The following IMMP2L variants were observed in gnomAD, a reference collection of about 807,000 sequenced individuals.
IMMP2L encodes inner mitochondrial membrane peptidase subunit 2.
In IMMP2L, 18 loss-of-function variants were observed where a neutral mutation model predicts 19.3. That is an observed-to-expected ratio of 0.93 (90% CI 0.64 to 1.38). The LOEUF (loss-of-function observed/expected upper bound fraction) is 1.38, where lower values mean the gene tolerates loss of function less well. Among genes scored for constraint, IMMP2L ranks in the 40% most tolerant of loss-of-function variants. IMMP2L has a pLI of 0.00. For missense variants in IMMP2L, 233 were observed against 218.2 expected (o/e 1.07, Z -0.43); for synonymous variants, 76 against 73.0 (o/e 1.04, Z -0.21).
rs78068954 is a variant in IMMP2L at position 110,733,805 on chromosome 7, C to T, written c.409-70084G>A. Among the ~76,000 whole-genome samples the T allele has an allele frequency of 3.7e-3, 566 of 152,092 alleles. 16 individuals are homozygous for T. The East Asian group carries it at 0.071, about 19-fold the overall frequency. On this transcript the variant is annotated intron_variant, in intron 5 of 5. Coordinates refer to ENST00000405709, the MANE Select transcript of IMMP2L (RefSeq NM_032549.4). The stretch of plus-strand genomic sequence containing the variant: ...GCCCTTCTTCCCCCTCTGGCCCTTC[C>T]TCCATTATATGAGGGCAATGCATTC...
At chr7:111,242,996 T>C (rs1815303802) in intron 3 of IMMP2L, among the ~76,000 whole-genome samples, 1 of 152,144 alleles carries the variant, frequency 6.6e-6, no homozygotes, top group South Asian at 2.1e-4. Flanking sequence ...GATCTTAAAA[T>C]ATTTTTTTCT....
chr7:111,044,597 A>G (rs1051606847), intron 3 of IMMP2L, among the ~76,000 whole-genome samples: 4 of 152,160 alleles, frequency 2.6e-5, no homozygotes, highest in African/African-American at 9.7e-5. Context: ...TGTACACACT[A>G]TAATTCTGGA....
intron 3 of IMMP2L, among the ~76,000 whole-genome samples, chr7:111,235,070 T>C (rs537794286): frequency 6.6e-6 from 1 of 152,322 alleles, no homozygotes; most frequent in Non-Finnish European, 1.5e-5. Context: ...TTTTTTAGCA[T>C]ATCTTTCAGT....
Position 111,177,675 on chromosome 7 carries a change from G to A in IMMP2L, c.240-214110C>T, listed in dbSNP as rs147679674. Among the ~76,000 whole-genome samples, 27 of 152,148 alleles carry A rather than the reference G, an allele frequency of 1.8e-4. 1 individual carries two copies. Among genetic ancestry groups the A allele is most frequent in the African/African-American group, 6.3e-4 (26 of 41,536 alleles). On this transcript the variant is annotated intron_variant, in intron 3 of 5. Transcript: ENST00000405709. Reference sequence around the variant, plus strand: ...AGTCCATGAAGCAACTAGAACCATTGTTATTAAGGCCCTAGAAGATAACAC... The same window carrying A: ...AGTCCATGAAGCAACTAGAACCATTATTATTAAGGCCCTAGAAGATAACAC...
At chr7:111,500,509 T>G (rs1422294997) in intron 2 of IMMP2L, among the ~76,000 whole-genome samples, 1 of 152,138 alleles carries the variant, frequency 6.6e-6, no homozygotes, top group Non-Finnish European at 1.5e-5. Context: ...GACTGCCTCC[T>G]CAAGTGGGTC....
intron 3 of IMMP2L, among the ~76,000 whole-genome samples, chr7:111,191,474 A>ACACACACAC (rs1562906824): frequency 2.2e-5 from 3 of 137,720 alleles, no homozygotes; most frequent in African/African-American, 5.3e-5. Flanking sequence ...ACACACACAC[A>ACACACACAC]AAACTTATAT....
At chr7:111,098,726 G>A (rs921508620) in intron 3 of IMMP2L, among the ~76,000 whole-genome samples, 3 of 151,652 alleles carry the variant, frequency 2.0e-5, no homozygotes, top group African/African-American at 7.3e-5. Context: ...TTTTACCAAC[G>A]TGAAAAATAA....
chr7:111,454,786 C>T (rs1839539469), intron 3 of IMMP2L, among the ~76,000 whole-genome samples: 1 of 151,586 alleles, frequency 6.6e-6, no homozygotes, highest in Admixed American at 6.6e-5. Context: ...AATTTACTGA[C>T]CCAAAGATAT....
At chr7:110,845,785 T>C (rs1179109478) in intron 5 of IMMP2L, among the ~76,000 whole-genome samples, 1 of 143,810 alleles carries the variant, frequency 7.0e-6, no homozygotes, top group African/African-American at 3.0e-5. Context: ...TAAGCACCAA[T>C]GTGATGAGGT....
At chr7:111,406,164 C>A (rs1436749868) in intron 3 of IMMP2L, among the ~76,000 whole-genome samples, 4 of 152,096 alleles carry the variant, frequency 2.6e-5, no homozygotes, top group Non-Finnish European at 4.4e-5. Context: ...TCTACCACCC[C>A]TGCCACTCCT....
At chr7:111,085,946 A>G (rs1169823247) in intron 3 of IMMP2L, among the ~76,000 whole-genome samples, 1 of 152,130 alleles carries the variant, frequency 6.6e-6, no homozygotes, top group African/African-American at 2.4e-5. Flanking sequence ...TGAAAAATCA[A>G]CAGCCACTGG....
intron 4 of IMMP2L, chr7:110,962,841 G>T: frequency 8.1e-7 from 1 of 1,240,046 alleles, no homozygotes; most frequent in Non-Finnish European, 1.0e-6. Context: ...AAGCATTTTG[G>T]CTACCACATT....
chr7:110,801,962 T>G (rs1366305598), intron 5 of IMMP2L, among the ~76,000 whole-genome samples: 14 of 152,068 alleles, frequency 9.2e-5, no homozygotes, highest in African/African-American at 3.4e-4. Flanking sequence ...TTAACAGAGA[T>G]ATCTCATTCC....
intron 3 of IMMP2L, among the ~76,000 whole-genome samples, chr7:111,155,697 G>C (rs1174128760): frequency 6.6e-6 from 1 of 151,604 alleles, no homozygotes; most frequent in Non-Finnish European, 1.5e-5. Flanking sequence ...CACACACACA[G>C]ACAGTCATGT....
At chr7:110,817,070 T>C (rs955092300) in intron 5 of IMMP2L, among the ~76,000 whole-genome samples, 2 of 152,060 alleles carry the variant, frequency 1.3e-5, no homozygotes, top group Non-Finnish European at 2.9e-5. Flanking sequence ...CTTGATGGTC[T>C]TTACATTTTG....
intron 4 of IMMP2L, among the ~76,000 whole-genome samples, chr7:110,888,751 A>G (rs1810478999): frequency 6.6e-6 from 1 of 151,968 alleles, no homozygotes. Context: ...ACAGTGCTTT[A>G]TTTTTCTTTT....
intron 3 of IMMP2L, among the ~76,000 whole-genome samples, chr7:111,151,872 G>A (rs1327525661): frequency 6.6e-6 from 1 of 152,138 alleles, no homozygotes; most frequent in East Asian, 1.9e-4. Context: ...GGAGGCGGAG[G>A]TTGCAGTGAG....
intron 3 of IMMP2L, among the ~76,000 whole-genome samples, chr7:111,279,913 A>T (rs1819512850): frequency 2.0e-5 from 3 of 152,102 alleles, no homozygotes; most frequent in Non-Finnish European, 4.4e-5. Flanking sequence ...ATCTTGACCT[A>T]TCCAGTTTTC....
chr7:110,995,186 T>A (rs1450028221), intron 3 of IMMP2L, among the ~76,000 whole-genome samples: 2 of 151,956 alleles, frequency 1.3e-5, no homozygotes, highest in East Asian at 3.9e-4. Flanking sequence ...CAATGCAGAC[T>A]GGCATGAAGT....
Sources: allele counts gnomAD v4.1 joint callset (sites outside exome capture counted in the v4.1 genomes callset), GRCh38; gene constraint gnomAD v4.1.1; transcripts MANE v1.5; gene names NCBI Gene and HGNC (gene_info 2026-07-23, HGNC 2026-07-21).